The following ZDHHC7 variants were observed in gnomAD, a reference collection of about 807,000 sequenced individuals.
The protein encoded by ZDHHC7 is palmitoyltransferase ZDHHC7.
Under a neutral mutation model 34.1 loss-of-function variants are expected in ZDHHC7, and 12 were observed. The ratio of observed to expected loss-of-function variants is 0.35; its 90% confidence interval spans 0.23 to 0.57. The LOEUF is 0.57. ZDHHC7 is among the 20% of genes least tolerant of loss of function. The pLI is 0.84. For missense variants in ZDHHC7, 388 were observed against 402.7 expected, an observed-to-expected ratio of 0.96 and a Z score of 0.31; for synonymous variants, 185 against 155.4, an observed-to-expected ratio of 1.19 and a Z score of -1.42.
At chr16:84,999,108 G>A (rs1385968571) in intron 1 of ZDHHC7, among the ~76,000 whole-genome samples, 1 of 152,168 alleles carries the variant, frequency 6.6e-6, no homozygotes, top group Non-Finnish European at 1.5e-5. Context: ...GCACCAGCCA[G>A]AAACTTGAAA....
At chr16:85,022,916 C>A in the ZDHHC7 span, among the ~76,000 whole-genome samples, 2 of 152,244 alleles carry the variant, frequency 1.3e-5, no homozygotes, top group East Asian at 1.9e-4. Flanking sequence ...CTGGCCTGCA[C>A]TCTTAGTCAA....
chr16:85,020,067 G>C, the ZDHHC7 span, among the ~76,000 whole-genome samples: 3 of 152,350 alleles, frequency 2.0e-5, no homozygotes, highest in Admixed American at 1.3e-4. Context: ...GGCTATGAAA[G>C]CTCTGCCGTT....
Position 84,978,805 on chromosome 16 carries a change from T to A in ZDHHC7, c.537+384A>T, listed in dbSNP as rs185526482. Among the ~76,000 whole-genome samples the A allele has an allele frequency of 8.4e-5, 12 of 143,488 alleles. No individual in the cohort carries two copies. The East Asian group carries it at 2.5e-3, about 30-fold the overall frequency. 94.1% of individuals were successfully genotyped at this position (143,488 alleles called of 152,430 possible). ...TGAACTTGGGAGGCGGAGGTTGCAGTGAGCTGAGATCACACCACTGCACTC... is the reference window on the plus strand; with the variant it reads ...TGAACTTGGGAGGCGGAGGTTGCAGAGAGCTGAGATCACACCACTGCACTC... On this transcript the variant is annotated intron_variant, in intron 5 of 7. Transcript: ENST00000313732.
At chr16:84,980,436 G>A (rs1168082541) in intron 4 of ZDHHC7, among the ~76,000 whole-genome samples, 6 of 152,006 alleles carry the variant, frequency 3.9e-5, no homozygotes, top group South Asian at 2.1e-4. Context: ...TTGGCAGGCC[G>A]AGGCAGGTGG....
intron 1 of ZDHHC7, among the ~76,000 whole-genome samples, chr16:85,005,956 C>T (rs1027404398): frequency 1.3e-5 from 2 of 152,180 alleles, no homozygotes; most frequent in Non-Finnish European, 1.5e-5. Flanking sequence ...TCACCTTTCC[C>T]ACAACCCAAA....
rs1278304693 is a variant in ZDHHC7, at chr16:85,011,485, C to G, written c.-303G>C. 3.3e-5 allele frequency: 5 copies of G among 152,234 alleles called. No homozygotes were observed. 9.4% of individuals were successfully genotyped at this position (152,234 alleles called of 1,614,324 possible). A position where few individuals can be genotyped will look rare whatever the true frequency, so the allele number is the denominator to read the frequency against. On this transcript the variant is annotated 5_prime_UTR_variant, in exon 1 of 8. Coordinates refer to ENST00000313732, the MANE Select transcript of ZDHHC7 (RefSeq NM_017740.3). ...GAAGGAGGCTGCAGCCAAGCAAATG[C>G]CTCAGCCCGGAGCCTTGGCTGGAGA...
At chr16:84,998,466 T>A (rs946942721) in intron 1 of ZDHHC7, among the ~76,000 whole-genome samples, 5 of 152,118 alleles carry the variant, frequency 3.3e-5, no homozygotes, top group Non-Finnish European at 5.9e-5. Context: ...TCTGCCTGAG[T>A]CAACCCCCAG....
At position 84,990,288 on chromosome 16, in the gene ZDHHC7, C is replaced by A; in HGVS notation, c.315+16G>T. The A allele has an allele frequency of 1.9e-6, 3 of 1,609,478 alleles. No individual in the cohort carries two copies. Among genetic ancestry groups the A allele is most frequent in the Non-Finnish European group, 2.5e-6 (3 of 1,176,834 alleles). On this transcript the variant is annotated intron_variant, in intron 3 of 7. Coordinates refer to ENST00000313732, the MANE Select transcript of ZDHHC7 (RefSeq NM_017740.3). ...CAGACACAAGAGAGCCACCCAGAGA[C>A]GCAGCCAGTACTCACAGGGTCGGTG...
the ZDHHC7 span, among the ~76,000 whole-genome samples, chr16:85,024,230 G>GTTT: frequency 2.7e-3 from 289 of 108,712 alleles, 4 homozygotes; most frequent in Non-Finnish European, 2.6e-3. Flanking sequence ...AGAGTTTTTT[G>GTTT]TTTTTTTTTT....
At chr16:84,982,175 C>G in intron 3 of ZDHHC7, 181 bp from the exon 4 acceptor site, 3 of 623,710 alleles carry the variant, frequency 4.8e-6, no homozygotes, top group Non-Finnish European at 7.7e-6. Context: ...GAAACCCCGT[C>G]TCTACTAAAG....
intron 1 of ZDHHC7, among the ~76,000 whole-genome samples, chr16:84,997,430 A>C (rs1439068306): frequency 6.6e-6 from 1 of 150,500 alleles, no homozygotes; most frequent in Non-Finnish European, 1.5e-5. Context: ...CACCACACCC[A>C]GCTAATTATC....
chr16:85,022,703 C>T, the ZDHHC7 span, among the ~76,000 whole-genome samples: 6 of 152,196 alleles, frequency 3.9e-5, no homozygotes, highest in South Asian at 6.2e-4. Flanking sequence ...AAAAAGGTAC[C>T]TTTACAATGG....
intron 3 of ZDHHC7, among the ~76,000 whole-genome samples, chr16:84,983,061 C>T (rs1176559777): frequency 6.6e-6 from 1 of 152,206 alleles, no homozygotes; most frequent in East Asian, 1.9e-4. Context: ...ATAAAATAGG[C>T]AGACCTGCCT....
chr16:85,026,942 G>A, the ZDHHC7 span, among the ~76,000 whole-genome samples: 2 of 152,154 alleles, frequency 1.3e-5, no homozygotes, highest in Admixed American at 6.5e-5. Flanking sequence ...CACATTACTA[G>A]GGAGGGGCTG....
intron 1 of ZDHHC7, among the ~76,000 whole-genome samples, chr16:85,006,379 T>C (rs1010624429): frequency 6.6e-6 from 1 of 151,950 alleles, no homozygotes; most frequent in African/African-American, 2.4e-5. Flanking sequence ...AAAACCTAAA[T>C]AAAAATTCCT....
chr16:84,981,139 G>A (rs888836762), intron 4 of ZDHHC7, among the ~76,000 whole-genome samples: 11 of 152,098 alleles, frequency 7.2e-5, no homozygotes, highest in Admixed American at 6.6e-5. Context: ...ACTTCAACAC[G>A]TGAAATCAAC....
Position 84,999,881 on chromosome 16 carries a change from T to C in ZDHHC7, c.-103-3874A>G, listed in dbSNP as rs2072631267. ...AAATTGTGGGGCCGGGCACAGTGGC[T>C]CATACCTGTAATCCCAGTGCTTTGG... On this transcript the variant is annotated intron_variant, in intron 1 of 7. Coordinates refer to ENST00000313732, the MANE Select transcript of ZDHHC7 (RefSeq NM_017740.3). Among the ~76,000 whole-genome samples, 3 of 152,154 alleles carry C rather than the reference T, an allele frequency of 2.0e-5. No homozygotes were observed. The South Asian group carries it at 6.2e-4, about 31-fold the overall frequency.
At chr16:85,007,729 G>A (rs2143752769) in intron 1 of ZDHHC7, among the ~76,000 whole-genome samples, 1 of 152,164 alleles carries the variant, frequency 6.6e-6, no homozygotes, top group South Asian at 2.1e-4. Context: ...TCTCCCTGTG[G>A]CCTGTGTCTC....
chr16:84,993,103 A>G (rs1457736228), intron 2 of ZDHHC7, among the ~76,000 whole-genome samples: 1 of 152,202 alleles, frequency 6.6e-6, no homozygotes, highest in Non-Finnish European at 1.5e-5. Context: ...CAGAAGGATC[A>G]TTTGAGCCCA....
Sources: gnomAD v4.1 joint callset for allele counts (sites outside exome capture counted in the v4.1 genomes callset) on GRCh38, gnomAD v4.1.1 for gene constraint, MANE v1.5 for transcripts, NCBI Gene and HGNC (gene_info 2026-07-23, HGNC 2026-07-21) for gene names.